AK5: variants seen among roughly 807,000 people sequenced by gnomAD.
AK5 encodes adenylate kinase 5, also known as adenylate kinase isoenzyme 5.
Under a neutral mutation model 69.5 loss-of-function variants are expected in AK5, and 27 were observed. The observed-to-expected ratio is 0.39, with a 90% confidence interval of 0.29 to 0.54. AK5 has a LOEUF of 0.54. AK5 is among the 20% of genes least tolerant of loss of function. AK5 has a pLI of 0.71. For synonymous variants in AK5, 260 were observed against 244.4 expected (o/e 1.06, Z -0.60); for missense variants, 531 against 700.4 (o/e 0.76, Z 2.73).
chr1:77,374,418 CTTT>C (rs34141642), intron 6 of AK5, among the ~76,000 whole-genome samples: 7 of 138,798 alleles, frequency 5.0e-5, no homozygotes, highest in Non-Finnish European at 3.1e-5. Flanking sequence ...TGAGGTAATG[CTTT>C]TTTTTTTTTT....
intron 8 of AK5, among the ~76,000 whole-genome samples, chr1:77,440,436 A>G (rs1652253396): frequency 6.6e-6 from 1 of 152,120 alleles, no homozygotes; most frequent in African/African-American, 2.4e-5. Context: ...TAATTTGACT[A>G]TAGTGTACTT....
chr1:77,454,528 T>C (rs188102348), intron 8 of AK5, among the ~76,000 whole-genome samples: 32 of 152,378 alleles, frequency 2.1e-4, no homozygotes, highest in African/African-American at 7.7e-4. Context: ...AATGATTGCA[T>C]TCTAACAAAA....
rs375057198 is a variant in AK5 at position 77,526,204 on chromosome 1, G to A, written c.1428+4261G>A. 2.6e-5 allele frequency among the ~76,000 whole-genome samples: 4 copies of A among 152,292 alleles called. No homozygotes were observed. The East Asian group carries it at 7.7e-4, about 29-fold the overall frequency. ...CCACCTTAGAATCAAGGCCTGTGCA[G>A]GGCTGGGGGGTTGGAGGGGAAAGGA... On this transcript the variant is annotated intron_variant, in intron 12 of 13. Coordinates refer to ENST00000354567, the MANE Select transcript of AK5 (RefSeq NM_174858.3).
intron 5 of AK5, among the ~76,000 whole-genome samples, chr1:77,322,660 T>C (rs1660595345): frequency 1.3e-5 from 2 of 152,210 alleles, no homozygotes; most frequent in African/African-American, 4.8e-5. Flanking sequence ...AGAGATTAAA[T>C]GACTGGCTGG....
chr1:77,292,553 G>T (rs572476465), intron 2 of AK5, among the ~76,000 whole-genome samples: 2 of 152,306 alleles, frequency 1.3e-5, no homozygotes, highest in East Asian at 3.9e-4. Context: ...TGGGTAGTTA[G>T]TGCTTCTCTG....
At chr1:77,529,586 G>A (rs552923689) in intron 12 of AK5, among the ~76,000 whole-genome samples, 1 of 152,292 alleles carries the variant, frequency 6.6e-6, no homozygotes, top group South Asian at 2.1e-4. Flanking sequence ...GCCTCCCAAA[G>A]TGCAGGGACT....
At chr1:77,495,894 T>C (rs980375722) in intron 10 of AK5, among the ~76,000 whole-genome samples, 3 of 152,228 alleles carry the variant, frequency 2.0e-5, no homozygotes, top group Admixed American at 1.3e-4. Flanking sequence ...CTCTCTGCTA[T>C]AGTACATTCA....
At chr1:77,434,156 T>C (rs1651818862) in intron 8 of AK5, among the ~76,000 whole-genome samples, 1 of 150,128 alleles carries the variant, frequency 6.7e-6, no homozygotes, top group African/African-American at 2.5e-5. Flanking sequence ...AAATAAAATT[T>C]GATGAAAGTT....
chr1:77,368,023 T>A (rs72679562), intron 6 of AK5, among the ~76,000 whole-genome samples: 4,175 of 89,658 alleles, frequency 0.047, 1 homozygote, highest in Non-Finnish European at 0.055. Flanking sequence ...GACCGTTGAC[T>A]TTTAACAATG....
rs1557507761 is a variant in AK5 at position 77,337,960 on chromosome 1, T to TTTTTC, written c.700-2413_700-2412insCTTTT. On this transcript the variant is annotated intron_variant, in intron 5 of 13. Coordinates refer to ENST00000354567, the MANE Select transcript of AK5 (RefSeq NM_174858.3). ...GACGAGACATCTGAACAATGTTTTC[T>TTTTTC]TTTTATTTTTTTTTTTTTTTTGAGA... 3.3e-5 allele frequency among the ~76,000 whole-genome samples: 4 copies of TTTTTC among 121,420 alleles called. 1 individual carries two copies. Among genetic ancestry groups the TTTTTC allele is most frequent in the African/African-American group, 6.0e-5 (2 of 33,240 alleles). The allele number at this position is 121,420 out of a possible 152,430, so 79.7% of individuals were successfully genotyped here.
At chr1:77,370,332 G>A (rs1455935367) in intron 6 of AK5, among the ~76,000 whole-genome samples, 1 of 152,150 alleles carries the variant, frequency 6.6e-6, no homozygotes, top group Non-Finnish European at 1.5e-5. Context: ...TCTCAAAGCT[G>A]AAAGGAAGCA....
At chr1:77,411,404 C>G (rs992835832) in intron 7 of AK5, among the ~76,000 whole-genome samples, 1 of 152,116 alleles carries the variant, frequency 6.6e-6, no homozygotes, top group East Asian at 1.9e-4. Context: ...TCCAGGACCC[C>G]CTAACTCATA....
chr1:77,286,874 A>G, intron 1 of AK5, 67 bp from the exon 2 acceptor site: 1 of 990,520 alleles, frequency 1.0e-6, no homozygotes, highest in Non-Finnish European at 1.3e-6. Flanking sequence ...AAATTAAATT[A>G]AATTAAAGAA....
chr1:77,361,194 A>G lies in AK5; in HGVS notation c.891+20626A>G, dbSNP rs549965665. 9.9e-5 allele frequency among the ~76,000 whole-genome samples: 15 copies of G among 152,274 alleles called. 1 individual carries two copies. The Middle Eastern group carries it at 0.017, about 173-fold the overall frequency. On this transcript the variant is annotated intron_variant, in intron 6 of 13. Transcript: ENST00000354567. ...ATTTTCCCTGACTACTCAAGCCTCT[A>G]CAGTCTCCTCTGTTTCTAAATTCCT... is the stretch of plus-strand genomic sequence containing the variant.
chr1:77,297,417 G>A (rs1026274167), intron 3 of AK5, 142 bp from the exon 4 acceptor site: 2 of 649,882 alleles, frequency 3.1e-6, no homozygotes, highest in Non-Finnish European at 5.1e-6. Flanking sequence ...TTCAAAGGCA[G>A]CACTGAGAAT....
chr1:77,539,466 C>T (rs953529700), intron 13 of AK5, among the ~76,000 whole-genome samples: 1 of 152,226 alleles, frequency 6.6e-6, no homozygotes, highest in Admixed American at 6.5e-5. Context: ...CTGCTTCATC[C>T]CACTGCCCCT....
intron 6 of AK5, among the ~76,000 whole-genome samples, chr1:77,344,254 C>G (rs985403498): frequency 6.6e-6 from 1 of 152,066 alleles, no homozygotes; most frequent in Non-Finnish European, 1.5e-5. Flanking sequence ...CATTTTTGTT[C>G]TTGTATTATA....
chr1:77,506,503 C>T (rs570686877), intron 10 of AK5, among the ~76,000 whole-genome samples: 61 of 152,004 alleles, frequency 4.0e-4, no homozygotes, highest in African/African-American at 1.4e-3. Flanking sequence ...AGGTATCTGC[C>T]CTTTCCTGTC....
rs1553141061 is a variant in AK5 at position 77,372,766 on chromosome 1, T to TGTGC, written c.891+32201_891+32202insCGTG. Among the ~76,000 whole-genome samples the TGTGC allele has an allele frequency of 3.4e-4, 44 of 127,744 alleles. No individual in the cohort carries two copies. In the East Asian group the frequency reaches 7.0e-3, roughly 20 times the overall value. The allele number at this position is 127,744 out of a possible 152,430, so 83.8% of individuals were successfully genotyped here. On this transcript the variant is annotated intron_variant, in intron 6 of 13. Coordinates refer to ENST00000354567, the MANE Select transcript of AK5 (RefSeq NM_174858.3). ...GTTCTTTCTAAATAAAATGTGTGTGTGTGTGCGTGTGTGTGTGTGTGTGTG... is the reference window on the plus strand; with the variant it reads ...GTTCTTTCTAAATAAAATGTGTGTGTGTGCGTGTGCGTGTGTGTGTGTGTGTGTG...
Sources: allele counts gnomAD v4.1 joint callset (sites outside exome capture counted in the v4.1 genomes callset), GRCh38; gene constraint gnomAD v4.1.1; transcripts MANE v1.5; gene names NCBI Gene and HGNC (gene_info 2026-07-23, HGNC 2026-07-21).